Variants in LCP2 observed in about 807,000 individuals in gnomAD.
The protein encoded by LCP2 is lymphocyte cytosolic protein 2, also known as 76 kDa tyrosine phosphoprotein.
LCP2 carries 29 observed loss-of-function variants against 74.5 expected under a neutral mutation model. The observed-to-expected ratio is 0.39, with a 90% CI of 0.29 to 0.53. The LOEUF (loss-of-function observed/expected upper bound fraction) is 0.53, where lower values mean the gene tolerates loss of function less well. Among genes scored for constraint, LCP2 ranks in the 20% least tolerant of loss-of-function variants. LCP2 has a pLI of 0.72. For missense variants in LCP2, 604 were observed against 634.6 expected (o/e 0.95, Z 0.52); for synonymous variants, 228 against 229.5 (o/e 0.99, Z 0.06).
At chr5:170,257,947 T>C (rs2113159422) in intron 16 of LCP2, 90 bp downstream of exon 16, 6 of 1,425,512 alleles carry the variant, frequency 4.2e-6, no homozygotes, top group Admixed American at 1.7e-5. Context: ...ACCCGTCATT[T>C]CCTTCTTTCT....
intron 6 of LCP2, among the ~76,000 whole-genome samples, chr5:170,271,456 C>G (rs1037572493): frequency 6.6e-6 from 1 of 152,094 alleles, no homozygotes; most frequent in East Asian, 1.9e-4. Context: ...AGGAGGGGAC[C>G]GTCAGAGGCT....
At position 170,256,579 on chromosome 5, in the gene LCP2, A is replaced by C; in HGVS notation, c.1101-4T>G. On this transcript the variant is annotated splice_region_variant and splice_polypyrimidine_tract_variant and intron_variant, in intron 16 of 20. Transcript: ENST00000046794. This position sits in a 1 kb window ranked among gnomAD's most constrained non-coding sequence, Gnocchi z 4.5. ...ACTCTGTGGAAAACTGCTGTTACTG[A>C]GGAGACAGAAAAAGAACAAAATTTA... is the stretch of plus-strand genomic sequence containing the variant. The C allele has an allele frequency of 6.2e-7, 1 of 1,609,754 alleles. No homozygotes were observed. Among genetic ancestry groups the C allele is most frequent in the Non-Finnish European group, 8.5e-7 (1 of 1,176,130 alleles).
chr5:170,255,504 A>G (rs974543895), intron 17 of LCP2, among the ~76,000 whole-genome samples: 1 of 152,250 alleles, frequency 6.6e-6, no homozygotes, highest in African/African-American at 2.4e-5. Context: ...ACATTTAAAA[A>G]TTAAATAATT....
intron 15 of LCP2, among the ~76,000 whole-genome samples, 170 bp downstream of exon 15, chr5:170,258,696 C>G (rs972946689): frequency 6.6e-6 from 1 of 152,118 alleles, no homozygotes; most frequent in African/African-American, 2.4e-5. Context: ...CCAAGTAATC[C>G]ATTTTACGAT....
At chr5:170,269,526 C>A (rs1761854538) in intron 7 of LCP2, among the ~76,000 whole-genome samples, 1 of 152,274 alleles carries the variant, frequency 6.6e-6, no homozygotes, top group African/African-American at 2.4e-5. Flanking sequence ...GGCCTTTGCA[C>A]AGCCATTTCT....
At chr5:170,274,840 G>A (rs1761978018) in intron 5 of LCP2, among the ~76,000 whole-genome samples, 1 of 152,142 alleles carries the variant, frequency 6.6e-6, no homozygotes, top group African/African-American at 2.4e-5. Context: ...AGCTGGGCAT[G>A]GTGGCGGGTG....
intron 2 of LCP2, among the ~76,000 whole-genome samples, chr5:170,289,592 T>A (rs1248099190): frequency 6.9e-6 from 1 of 144,858 alleles, no homozygotes; most frequent in Non-Finnish European, 1.5e-5. Context: ...AACTACTCCT[T>A]TTCTTTCTTT....
chr5:170,267,074 G>T lies in LCP2; in HGVS notation c.623C>A (p.Pro208Gln). The T allele has an allele frequency of 1.2e-6, 2 of 1,613,792 alleles. No homozygotes were observed. The highest frequency in any genetic ancestry group is 1.7e-6 in the Non-Finnish European group (2 of 1,179,880). The change falls in exon 9 of 21, where the codon CCA (proline) becomes CAA (glutamine). Residue 208 changes from proline to glutamine, a missense_variant and splice_region_variant. Pro to Gln is a moderately conservative substitution (Grantham distance 76). Transcript: ENST00000046794. The part of the protein sequence containing the change: ...PPPPAGRNHS[P>Q]LPPPQTNHEE... The stretch of plus-strand genomic sequence containing the variant: ...GTGGTTGGTCTGGGGTGGGGGCAGT[G>T]GCTGCATAAAGATCCAAACGTTAGG...
At position 170,287,952 on chromosome 5, in the gene LCP2, A is replaced by C; in HGVS notation, c.188+18T>G. The C allele has an allele frequency of 6.2e-7, 1 of 1,611,248 alleles. No individual in the cohort carries two copies. The highest frequency in any genetic ancestry group is 8.5e-7 in the Non-Finnish European group (1 of 1,177,542). On this transcript the variant is annotated intron_variant, in intron 3 of 20. Transcript: ENST00000046794. ...ACCTCTGCTCCCAGATCACCCATAG[A>C]GTTGGAGGAGTACTTACGGCACCCG...
At position 170,256,083 on chromosome 5, in the gene LCP2, G is replaced by A. The variant is rs1176236512; in HGVS notation, c.1150+443C>T. 3.9e-5 allele frequency among the ~76,000 whole-genome samples: 6 copies of A among 152,204 alleles called. No homozygotes were observed. Among genetic ancestry groups the A allele is most frequent in the African/African-American group, 7.2e-5 (3 of 41,452 alleles). On this transcript the variant is annotated intron_variant, in intron 17 of 20. Coordinates refer to ENST00000046794, the MANE Select transcript of LCP2 (RefSeq NM_005565.5). The surrounding 1 kb of genome is among the most constrained non-coding windows in gnomAD (Gnocchi z 4.5). ...ATTCTGAGGATTCCGTAGGGAAACC[G>A]GAGCTGGAGGAATAGTTCTGCACAG...
intron 4 of LCP2, 142 bp downstream of exon 4, chr5:170,275,653 G>A (rs1373568414): frequency 1.5e-5 from 11 of 754,520 alleles, no homozygotes; most frequent in East Asian, 8.0e-5. Flanking sequence ...CCTTCCCCTC[G>A]TTGGACACCA....
At position 170,297,682 on chromosome 5, in the gene LCP2, C is replaced by T; in HGVS notation, c.-71G>A. The stretch of plus-strand genomic sequence containing the variant: ...CACCCATGGGCAGAGAAGCTCAAAT[C>T]CAGAGCTCGGAGGCGTTCTTGGCTC... On this transcript the variant is annotated 5_prime_UTR_variant, in exon 1 of 21. Coordinates refer to ENST00000046794, the MANE Select transcript of LCP2 (RefSeq NM_005565.5). The T allele has an allele frequency of 1.4e-6, 2 of 1,385,312 alleles. No individual in the cohort carries two copies. The highest frequency in any genetic ancestry group is 2.5e-5 in the East Asian group (1 of 39,388). 85.8% of individuals were successfully genotyped at this position (1,385,312 alleles called of 1,614,324 possible). A position where few individuals can be genotyped will look rare whatever the true frequency, so the allele number is the denominator to read the frequency against.
At chr5:170,260,453 T>C (rs925314318) in intron 14 of LCP2, among the ~76,000 whole-genome samples, 2 of 152,256 alleles carry the variant, frequency 1.3e-5, no homozygotes, top group Non-Finnish European at 2.9e-5. Context: ...TTTATAAGCA[T>C]GCAATTTGCA....
intron 3 of LCP2, among the ~76,000 whole-genome samples, chr5:170,282,899 G>A (rs1244609535): frequency 1.3e-5 from 2 of 152,144 alleles, no homozygotes; most frequent in Non-Finnish European, 2.9e-5. Context: ...ACCCCAAATA[G>A]TAGCACTTAA....
At chr5:170,258,837 AG>A (rs1343388111) in intron 15 of LCP2, 28 bp downstream of exon 15, 8 of 1,549,008 alleles carry the variant, frequency 5.2e-6, no homozygotes, top group Non-Finnish European at 7.1e-6. Context: ...AATGAGTTAT[AG>A]GCTGTAAGAA....
intron 2 of LCP2, among the ~76,000 whole-genome samples, chr5:170,289,665 CTTTCTT>C (rs750715095): frequency 0.13 from 13,603 of 107,412 alleles, 817 homozygotes; most frequent in Middle Eastern, 0.16. Context: ...TTCTTTCTTT[CTTTCTT>C]TCTCTCTCTC....
At chr5:170,250,165 C>G (rs1296669576) in intron 20 of LCP2, among the ~76,000 whole-genome samples, 1 of 152,124 alleles carries the variant, frequency 6.6e-6, no homozygotes, top group Admixed American at 6.6e-5. Context: ...GTTTCCTTTG[C>G]GAAAAACTAG....
At chr5:170,278,447 T>G (rs1259762918) in intron 3 of LCP2, among the ~76,000 whole-genome samples, 4 of 17,734 alleles carry the variant, frequency 2.3e-4, no homozygotes, top group Admixed American at 1.9e-3. Context: ...GGTGGGGGGC[T>G]GGGGGGATGG....
At chr5:170,252,590 A>G (rs536710310) in intron 18 of LCP2, 79 bp from the exon 19 acceptor site, 3 of 689,366 alleles carry the variant, frequency 4.4e-6, no homozygotes, top group South Asian at 3.5e-5. Flanking sequence ...CTGAGTAATC[A>G]TTTCCATAAA....
Sources: gnomAD v4.1 joint callset for allele counts (sites outside exome capture counted in the v4.1 genomes callset) on GRCh38, gnomAD v4.1.1 for gene constraint, Gnocchi (gnomAD v3.1) non-coding constraint, MANE v1.5 for transcripts, NCBI Gene and HGNC (gene_info 2026-07-23, HGNC 2026-07-21) for gene names.